Variants in TMEM52B observed in about 807,000 individuals in gnomAD.
The protein encoded by TMEM52B is transmembrane protein 52B.
TMEM52B carries 11 observed loss-of-function variants against 16.1 expected under a neutral mutation model. The observed-to-expected ratio is 0.68, with a 90% CI of 0.43 to 1.13. TMEM52B has a LOEUF of 1.13. Among genes scored for constraint, TMEM52B ranks in the 50% most tolerant of loss-of-function variants. The probability of loss-of-function intolerance (pLI) is 0.00; values close to 1 mark genes in which losing one functional copy is unlikely to be tolerated. For synonymous variants in TMEM52B, 101 were observed against 93.8 expected, an observed-to-expected ratio of 1.08 and a Z score of -0.45; for missense variants, 243 against 230.4, an observed-to-expected ratio of 1.05 and a Z score of -0.35.
chr12:10,186,400 C>G lies in TMEM52B; in HGVS notation c.138-20C>G. The G allele has an allele frequency of 6.3e-7, 1 of 1,582,822 alleles. No individual in the cohort carries two copies. The highest frequency in any genetic ancestry group is 2.2e-5 in the East Asian group (1 of 44,558). Reference sequence around the variant, plus strand: ...AAAGCCAGATCCCAGAGCTCCCACTCGCCCCGTGGGCTTTTGCAGGTTGCT... The same window carrying G: ...AAAGCCAGATCCCAGAGCTCCCACTGGCCCCGTGGGCTTTTGCAGGTTGCT... On this transcript the variant is annotated intron_variant, in intron 3 of 4. Transcript: ENST00000543484.
chr12:10,174,790 A>C (rs542880316), upstream of TMEM52B, among the ~76,000 whole-genome samples: 99 of 152,256 alleles, frequency 6.5e-4, no homozygotes, highest in African/African-American at 2.3e-3. Context: ...TGTTTCTATA[A>C]ATTGGTTTAT....
chr12:10,174,643 A>G (rs1264418785), upstream of TMEM52B, among the ~76,000 whole-genome samples: 1 of 152,188 alleles, frequency 6.6e-6, no homozygotes, highest in African/African-American at 2.4e-5. Flanking sequence ...ACCAGGCTCT[A>G]TAATCATACA....
At chr12:10,188,512 G>GGAA (rs1491392711) in intron 4 of TMEM52B, among the ~76,000 whole-genome samples, 1 of 103,112 alleles carries the variant, frequency 9.7e-6, no homozygotes, top group Non-Finnish European at 2.0e-5. Context: ...AAGGAAGGAA[G>GGAA]GAAGGAAGGA....
chr12:10,180,460 T>C (rs1025168589), intron 1 of TMEM52B, among the ~76,000 whole-genome samples: 1 of 152,220 alleles, frequency 6.6e-6, no homozygotes, highest in Non-Finnish European at 1.5e-5. Context: ...AGGCTTCTCT[T>C]ACCTTTAGTG....
At chr12:10,178,076 C>T (rs993962826), upstream of TMEM52B, among the ~76,000 whole-genome samples, 48 of 150,956 alleles carry the variant, frequency 3.2e-4, 1 homozygote, top group East Asian at 2.0e-4. Context: ...TTGTATGTTT[C>T]GTAGAGAAAG....
intron 2 of TMEM52B, 123 bp downstream of exon 2, chr12:10,182,716 G>C: frequency 9.8e-7 from 1 of 1,018,196 alleles, no homozygotes; most frequent in Non-Finnish European, 1.3e-6. Context: ...TTAAGTAATA[G>C]ATCTCATAGA....
At chr12:10,172,128 A>G in intron 1 of TMEM52B, 1 of 1,317,844 alleles carries the variant, frequency 7.6e-7, no homozygotes. Context: ...GAACTTCAAC[A>G]AACTAAAAAT....
chr12:10,172,294 A>AT, intron 1 of TMEM52B: 1 of 476,394 alleles, frequency 2.1e-6, no homozygotes, highest in South Asian at 3.3e-5. Flanking sequence ...GAAAGTGGTG[A>AT]TTCTGAAGGT....
At chr12:10,189,607 G>C (rs1368306312) in intron 4 of TMEM52B, among the ~76,000 whole-genome samples, 1 of 111,282 alleles carries the variant, frequency 9.0e-6, no homozygotes, top group Non-Finnish European at 1.8e-5. Flanking sequence ...TGGGCAACAA[G>C]AGCAAAACTC....
Position 10,189,976 on chromosome 12 carries a change from T to A in TMEM52B, c.388T>A (p.Ser130Thr). ...CCACAGCTCCCTGGGCCAGCTGCCC[T>A]CCTCTTTGGACACCCTCCCAGGGTA... ...HSHSSLGQLPSSLDTLPGYEE... is the reference protein window; with the variant it reads ...HSHSSLGQLPTSLDTLPGYEE... Residue 130 changes from serine to threonine, a missense_variant, in exon 5 of 5, where the codon TCC becomes ACC. Coordinates refer to ENST00000543484, the MANE Select transcript of TMEM52B (RefSeq NM_001384896.1). The A allele has an allele frequency of 7.4e-6, 12 of 1,614,120 alleles. No homozygotes were observed. The highest frequency in any genetic ancestry group is 1.0e-5 in the Non-Finnish European group (12 of 1,180,012).
In TMEM52B at chr12:10,179,583, C is replaced by A. The variant is rs745838665; in HGVS notation, c.9C>A (p.Val3=). ...AGCAGGAATTCAGCCCGATGGGAGT[C>A]CGAGTTCATGTCGTGGCGGCCTCAG... MG[V]RVHVVAASAL... Residue 3 remains valine, a synonymous_variant, in exon 1 of 5, where the codon GTC becomes GTA. Transcript: ENST00000543484. 9.3e-6 allele frequency: 15 copies of A among 1,614,150 alleles called. No individual in the cohort carries two copies. Among genetic ancestry groups the A allele is most frequent in the Non-Finnish European group, 9.3e-6 (11 of 1,180,020 alleles).
intron 4 of TMEM52B, among the ~76,000 whole-genome samples, chr12:10,188,933 C>A (rs1447999053): frequency 7.0e-6 from 1 of 142,356 alleles, no homozygotes. Context: ...AGGAGAATGG[C>A]GAGAACCCGG....
chr12:10,172,013 T>C, intron 1 of TMEM52B: 1 of 1,613,462 alleles, frequency 6.2e-7, no homozygotes, highest in Non-Finnish European at 8.5e-7. Context: ...TTTAGCTTTT[T>C]TTCCATTTGA....
upstream of TMEM52B, chr12:10,175,459 C>G (rs574215986): frequency 6.6e-6 from 1 of 152,268 alleles, no homozygotes; most frequent in East Asian, 1.9e-4. Flanking sequence ...CTAAGTTGTG[C>G]CCACACTTCT....
intron 4 of TMEM52B, among the ~76,000 whole-genome samples, chr12:10,189,650 A>C (rs1029911670): frequency 3.4e-5 from 5 of 149,122 alleles, no homozygotes; most frequent in South Asian, 2.1e-4. Flanking sequence ...AAAGAGAGAG[A>C]GAGAGATACA....
chr12:10,191,537 G>GT lies in TMEM52B; in HGVS notation c.*1403dup, dbSNP rs1296485602. The GT allele has an allele frequency of 6.6e-6, 1 of 151,998 alleles. No individual in the cohort carries two copies. The highest frequency in any genetic ancestry group is 1.5e-5 in the Non-Finnish European group (1 of 67,994). 9.4% of individuals were successfully genotyped at this position (151,998 alleles called of 1,614,324 possible). On this transcript the variant is annotated 3_prime_UTR_variant, in exon 5 of 5. Coordinates refer to ENST00000543484, the MANE Select transcript of TMEM52B (RefSeq NM_001384896.1). ...CTCCTGGCCTGAAATCTTTAAAGCC[G>GT]TTTTTTCCCTAAAAAATGGGAAATA...
chr12:10,177,906 G>C (rs1042926728), upstream of TMEM52B, among the ~76,000 whole-genome samples: 1 of 150,312 alleles, frequency 6.7e-6, no homozygotes, highest in Non-Finnish European at 1.5e-5. Flanking sequence ...TTAATATTTT[G>C]CTTTTTTGAG....
chr12:10,184,541 C>T (rs1948858597), intron 2 of TMEM52B, among the ~76,000 whole-genome samples: 1 of 152,054 alleles, frequency 6.6e-6, no homozygotes, highest in African/African-American at 2.4e-5. Context: ...TTGTCTGTTG[C>T]TGGAAGATTG....
intron 4 of TMEM52B, among the ~76,000 whole-genome samples, 166 bp from the exon 5 acceptor site, chr12:10,189,730 T>G (rs545668900): frequency 6.6e-6 from 1 of 152,266 alleles, no homozygotes; most frequent in African/African-American, 2.4e-5. Context: ...GAAGCTGGGT[T>G]GTAAACATGC....
Sources: gnomAD v4.1 joint callset for allele counts (sites outside exome capture counted in the v4.1 genomes callset) on GRCh38, gnomAD v4.1.1 for gene constraint, MANE v1.5 for transcripts, NCBI Gene and HGNC (gene_info 2026-07-23, HGNC 2026-07-21) for gene names.